Variants in SC5D observed in about 807,000 individuals in gnomAD.
SC5D encodes the protein lathosterol oxidase.
A neutral mutation model predicts 23.9 loss-of-function variants in SC5D; 21 were observed. The ratio of observed to expected loss-of-function variants is 0.88; its 90% confidence interval spans 0.62 to 1.26. SC5D has a LOEUF of 1.26. Ranked by LOEUF, SC5D falls within the 50% of genes most tolerant of loss-of-function variation. The probability of loss-of-function intolerance (pLI) is 0.00; values close to 1 mark genes in which losing one functional copy is unlikely to be tolerated. For synonymous variants in SC5D, 113 were observed against 125.9 expected, an observed-to-expected ratio of 0.90 and a Z score of 0.68; for missense variants, 309 against 364.8, an observed-to-expected ratio of 0.85 and a Z score of 1.25.
chr11:121,295,808 A>G (rs1947885017), intron 1 of SC5D, among the ~76,000 whole-genome samples: 1 of 152,086 alleles, frequency 6.6e-6, no homozygotes, highest in African/African-American at 2.4e-5. Flanking sequence ...TGACATCACC[A>G]TCTACTTAGA....
Position 121,297,700 on chromosome 11 carries a change from G to A in SC5D, c.-11+4884G>A, listed in dbSNP as rs185410433. On this transcript the variant is annotated intron_variant, in intron 1 of 4. Coordinates refer to ENST00000264027, the MANE Select transcript of SC5D (RefSeq NM_006918.5). ...AATTGATGAAAAATAGGGAGACATT[G>A]CAGAGGACTGAAAATGAAGATTCTA... 3.9e-4 allele frequency among the ~76,000 whole-genome samples: 59 copies of A among 152,330 alleles called. 1 individual carries two copies. Among genetic ancestry groups the A allele is most frequent in the African/African-American group, 1.4e-3 (59 of 41,566 alleles).
At chr11:121,301,134 GT>G (rs2134265701) in intron 1 of SC5D, among the ~76,000 whole-genome samples, 1 of 152,214 alleles carries the variant, frequency 6.6e-6, no homozygotes, top group South Asian at 2.1e-4. Context: ...AAGGCAATCA[GT>G]CAGTAGAAAC....
intron 3 of SC5D, chr11:121,304,705 TTG>T: frequency 1.9e-6 from 1 of 515,582 alleles, no homozygotes; most frequent in Non-Finnish European, 3.5e-6. Flanking sequence ...GTAGATGAGA[TTG>T]TGTCTGGCGG....
In SC5D at chr11:121,308,931, A is replaced by G. The variant is rs779673545; in HGVS notation, c.*1419A>G. ...ATCTTATTTAAATGTACCAATTAGC[A>G]TTTTGTAATAGGCAAATGTCATTTA... On this transcript the variant is annotated 3_prime_UTR_variant, in exon 5 of 5. Coordinates refer to ENST00000264027, the MANE Select transcript of SC5D (RefSeq NM_006918.5). 2.0e-5 allele frequency among the ~76,000 whole-genome samples: 3 copies of G among 152,252 alleles called. No individual in the cohort carries two copies. The highest frequency in any genetic ancestry group is 4.4e-5 in the Non-Finnish European group (3 of 68,038).
Position 121,307,655 on chromosome 11 carries a change from T to C in SC5D, c.*143T>C. ...TGGAAATCAGCATCGTGGGCACTGC[T>C]GAGGAATGATCCTAGTGGTAGGTCA... On this transcript the variant is annotated 3_prime_UTR_variant, in exon 5 of 5. Coordinates refer to ENST00000264027, the MANE Select transcript of SC5D (RefSeq NM_006918.5). 1 of 630,070 alleles carries C rather than the reference T, an allele frequency of 1.6e-6. No individual in the cohort carries two copies. The highest frequency in any genetic ancestry group is 2.7e-6 in the Non-Finnish European group (1 of 368,320). The allele number at this position is 630,070 out of a possible 1,614,324, so 39.0% of individuals were successfully genotyped here. A position where few individuals can be genotyped will look rare whatever the true frequency, so the allele number is the denominator to read the frequency against.
In SC5D at chr11:121,307,765, C is replaced by G. The variant is rs1201325068; in HGVS notation, c.*253C>G. 2.5e-6 allele frequency: 1 copy of G among 405,296 alleles called. No homozygotes were observed. Among genetic ancestry groups the G allele is most frequent in the Non-Finnish European group, 4.4e-6 (1 of 225,670 alleles). The allele number at this position is 405,296 out of a possible 1,614,324, so 25.1% of individuals were successfully genotyped here. A position where few individuals can be genotyped will look rare whatever the true frequency, so the allele number is the denominator to read the frequency against. On this transcript the variant is annotated 3_prime_UTR_variant, in exon 5 of 5. Coordinates refer to ENST00000264027, the MANE Select transcript of SC5D (RefSeq NM_006918.5). ...CGGGGGACAACTTGTATCTTTCTAG[C>G]AGCAGATCTGTAGTTTGTATAGCCT...
rs1158904752 is a variant in SC5D, at chr11:121,304,348, ATTTCAC to A, written c.211-7_211-2del. On this transcript the variant is annotated splice_region_variant and splice_polypyrimidine_tract_variant and intron_variant, in intron 2 of 4. Coordinates refer to ENST00000264027, the MANE Select transcript of SC5D (RefSeq NM_006918.5). ...ATTTTGTGATTTTTAAGTATTGGAA[ATTTCAC>A]TTTCAGAATCAAGTCCGTCGAGAGA... is the stretch of plus-strand genomic sequence containing the variant. The A allele has an allele frequency of 3.1e-6, 5 of 1,612,886 alleles. No individual in the cohort carries two copies. Among genetic ancestry groups the A allele is most frequent in the African/African-American group, 1.3e-5 (1 of 74,864 alleles).
chr11:121,308,954 T>A lies in SC5D; in HGVS notation c.*1442T>A, dbSNP rs1455806676. On this transcript the variant is annotated 3_prime_UTR_variant, in exon 5 of 5. Coordinates refer to ENST00000264027, the MANE Select transcript of SC5D (RefSeq NM_006918.5). ...GCATTTTGTAATAGGCAAATGTCAT[T>A]TAGTGCTTTTCACCAATCCCACTCA... Among the ~76,000 whole-genome samples, 1 of 152,248 alleles carries A rather than the reference T, an allele frequency of 6.6e-6. No homozygotes were observed. Among genetic ancestry groups the A allele is most frequent in the Non-Finnish European group, 1.5e-5 (1 of 68,042 alleles).
intron 1 of SC5D, among the ~76,000 whole-genome samples, chr11:121,294,106 G>A (rs1442504244): frequency 6.6e-6 from 1 of 152,160 alleles, no homozygotes; most frequent in Admixed American, 6.5e-5. Flanking sequence ...AAAAGATAAT[G>A]GTAGACTGAG....
intron 1 of SC5D, among the ~76,000 whole-genome samples, chr11:121,300,066 A>C (rs1947915578): frequency 6.6e-6 from 1 of 152,244 alleles, no homozygotes; most frequent in Non-Finnish European, 1.5e-5. Context: ...TGTATTATAA[A>C]AAAGGAGATG....
chr11:121,294,344 G>A (rs901303562), intron 1 of SC5D, among the ~76,000 whole-genome samples: 9 of 152,036 alleles, frequency 5.9e-5, no homozygotes, highest in African/African-American at 1.2e-4. Flanking sequence ...TGGTGAAGAG[G>A]CTATAGAACT....
intron 1 of SC5D, among the ~76,000 whole-genome samples, chr11:121,302,241 G>C (rs761303751): frequency 3.3e-5 from 5 of 152,158 alleles, no homozygotes; most frequent in Admixed American, 6.5e-5. Flanking sequence ...GGAGATAAAG[G>C]CCGTTTGAAC....
intron 1 of SC5D, 33 bp from the exon 2 acceptor site, chr11:121,303,333 G>T: frequency 6.3e-7 from 1 of 1,583,374 alleles, no homozygotes; most frequent in South Asian, 1.1e-5. Context: ...ATAGAGACAT[G>T]GTAACTAATT....
At chr11:121,294,010 A>G (rs2134260826) in intron 1 of SC5D, among the ~76,000 whole-genome samples, 1 of 152,342 alleles carries the variant, frequency 6.6e-6, no homozygotes, top group African/African-American at 2.4e-5. Flanking sequence ...TCATAGAGGT[A>G]TAGGGATTAG....
At position 121,310,235 on chromosome 11, in the gene SC5D, G is replaced by A. The variant is rs1027914868; in HGVS notation, c.*2723G>A. ...ATAGAAGAAAAGTTTGAAACCATGAGATTGTCACAGCATGAAAAAAGATAT... is the reference window on the plus strand; with the variant it reads ...ATAGAAGAAAAGTTTGAAACCATGAAATTGTCACAGCATGAAAAAAGATAT... On this transcript the variant is annotated 3_prime_UTR_variant, in exon 5 of 5. Transcript: ENST00000264027. Among the ~76,000 whole-genome samples the A allele has an allele frequency of 8.5e-5, 13 of 152,198 alleles. No individual in the cohort carries two copies. Among genetic ancestry groups the A allele is most frequent in the South Asian group, 2.1e-4 (1 of 4,836 alleles).
At chr11:121,304,829 G>T (rs923050152) in intron 3 of SC5D, 9 of 274,666 alleles carry the variant, frequency 3.3e-5, no homozygotes, top group Non-Finnish European at 5.7e-5. Context: ...GTTAAAAACA[G>T]ATTTTTAAAA....
At chr11:121,294,684 T>G (rs186630342) in intron 1 of SC5D, among the ~76,000 whole-genome samples, 1 of 152,316 alleles carries the variant, frequency 6.6e-6, no homozygotes, top group Admixed American at 6.5e-5. Context: ...GATAATCATA[T>G]AGATGCTATT....
intron 1 of SC5D, among the ~76,000 whole-genome samples, chr11:121,300,840 G>A (rs1320729566): frequency 1.3e-5 from 2 of 152,218 alleles, no homozygotes; most frequent in Admixed American, 1.3e-4. Flanking sequence ...CAGCACCTTG[G>A]CAAAGGCTGG....
intron 1 of SC5D, among the ~76,000 whole-genome samples, chr11:121,302,664 G>T (rs1159275706): frequency 6.6e-6 from 1 of 152,112 alleles, no homozygotes; most frequent in Admixed American, 6.5e-5. Flanking sequence ...GTAAACATCT[G>T]GGTGTCGCTG....
Sources: allele counts gnomAD v4.1 joint callset (sites outside exome capture counted in the v4.1 genomes callset), GRCh38; gene constraint gnomAD v4.1.1; transcripts MANE v1.5; gene names NCBI Gene and HGNC (gene_info 2026-07-23, HGNC 2026-07-21).